DCC: variants seen among roughly 807,000 people sequenced by gnomAD.
DCC encodes the protein netrin receptor DCC.
In DCC, 58 loss-of-function variants were observed where a neutral mutation model predicts 172.5. That is an observed-to-expected ratio of 0.34 (90% CI 0.27 to 0.42). The LOEUF is 0.42. Ranked by LOEUF, DCC falls within the 10% of genes least tolerant of loss-of-function variation. The pLI is 1.00. For synonymous variants in DCC, 709 were observed against 644.5 expected (o/e 1.10, Z -1.52); for missense variants, 1,740 against 1,791.0 (o/e 0.97, Z 0.51).
At chr18:53,133,314 A>G (rs966906464) in intron 7 of DCC, among the ~76,000 whole-genome samples, 28 of 152,218 alleles carry the variant, frequency 1.8e-4, no homozygotes, top group African/African-American at 6.8e-4. Flanking sequence ...TAAATGTAGT[A>G]CAAATGCTGT....
At chr18:53,432,472 A>C (rs562203492) in intron 21 of DCC, among the ~76,000 whole-genome samples, 1 of 152,288 alleles carries the variant, frequency 6.6e-6, no homozygotes, top group African/African-American at 2.4e-5. Context: ...ATAGGGAAGT[A>C]TTTTATATCT....
chr18:53,023,878 A>G (rs572381746), intron 5 of DCC, among the ~76,000 whole-genome samples: 5 of 152,178 alleles, frequency 3.3e-5, no homozygotes, highest in Non-Finnish European at 7.4e-5. Context: ...TCCTGCCTGC[A>G]GATGCCCCAA....
chr18:53,302,117 A>T (rs189443533), intron 12 of DCC, among the ~76,000 whole-genome samples: 3 of 152,230 alleles, frequency 2.0e-5, no homozygotes, highest in Admixed American at 1.3e-4. Context: ...GACACCAATC[A>T]TGTCATATTT....
At chr18:53,281,717 G>A (rs1286699438) in intron 12 of DCC, among the ~76,000 whole-genome samples, 2 of 151,694 alleles carry the variant, frequency 1.3e-5, no homozygotes, top group African/African-American at 2.4e-5. Context: ...TGGCCTAGGT[G>A]GAAGTATTTA....
chr18:52,471,648 T>C (rs1260274844), intron 1 of DCC, among the ~76,000 whole-genome samples: 2 of 152,146 alleles, frequency 1.3e-5, no homozygotes, highest in African/African-American at 2.4e-5. Context: ...AAAAATTATA[T>C]AGAGCTAAAG....
rs774887982 is a variant in DCC, at chr18:53,459,440, A to G, written c.3601A>G (p.Lys1201Glu). 1.2e-5 allele frequency: 19 copies of G among 1,609,916 alleles called. No individual in the cohort carries two copies. In the East Asian group the frequency reaches 4.2e-4, roughly 36 times the overall value. ...CCAGTCAGAAACCCAACTGGGAAGC[A>G]AAAGCACCTCTCATTCAGGTAATTA... ...HSQSETQLGS[K>E]STSHSGQDTE... is the part of the protein sequence containing the mutation. The change falls in exon 24 of 29, where the codon AAA (lysine) becomes GAA (glutamate). Residue 1201 changes from lysine (K) to glutamate (E), a missense_variant. Physicochemically the swap from Lys to Glu is moderately conservative, Grantham distance 56. Coordinates refer to ENST00000442544, the MANE Select transcript of DCC (RefSeq NM_005215.4).
intron 7 of DCC, among the ~76,000 whole-genome samples, chr18:53,081,530 A>G (rs561620259): frequency 3.9e-5 from 6 of 152,108 alleles, no homozygotes; most frequent in Admixed American, 2.0e-4. Flanking sequence ...AGAAAAAAAA[A>G]AAGACCTCCT....
intron 2 of DCC, among the ~76,000 whole-genome samples, chr18:52,850,244 A>G (rs2038954930): frequency 6.6e-6 from 1 of 152,218 alleles, no homozygotes; most frequent in Admixed American, 6.5e-5. Flanking sequence ...AATCACTCCC[A>G]GTTCTTCGGA....
rs3059148 is a variant in DCC, at chr18:53,403,074, GCACACACACACACACA to G, written c.2935+211_2935+226del. ...TTGACCATGGAATTCTTCTAATGGT[GCACACACACACACACA>G]CACACACACACACACACACACACAC... On this transcript the variant is annotated intron_variant, in intron 19 of 28. Transcript: ENST00000442544. Among the ~76,000 whole-genome samples the G allele has an allele frequency of 5.1e-3, 748 of 145,890 alleles. 5 individuals are homozygous for G. Among genetic ancestry groups the G allele is most frequent in the Middle Eastern group, 0.028 (8 of 284 alleles).
At chr18:53,416,258 C>T in intron 21 of DCC, 102 bp downstream of exon 21, 1 of 835,170 alleles carries the variant, frequency 1.2e-6, no homozygotes, top group Non-Finnish European at 2.1e-6. Flanking sequence ...GGACCATACA[C>T]CTGATGAAGC....
chr18:52,816,596 C>T (rs1422065204), intron 2 of DCC: 1 of 152,156 alleles, frequency 6.6e-6, no homozygotes, highest in African/African-American at 2.4e-5. Context: ...ACTTTCTCAT[C>T]GATCACACCA....
chr18:52,810,379 A>G (rs1164249619), intron 2 of DCC, among the ~76,000 whole-genome samples: 1 of 152,158 alleles, frequency 6.6e-6, no homozygotes, highest in South Asian at 2.1e-4. Flanking sequence ...TTGCTCAGCC[A>G]TGCTATTATG....
chr18:53,259,194 C>T (rs1186381487), intron 12 of DCC, among the ~76,000 whole-genome samples: 1 of 152,110 alleles, frequency 6.6e-6, no homozygotes, highest in Non-Finnish European at 1.5e-5. Context: ...TTAATTGGAG[C>T]ATTTAGCCCA....
chr18:52,901,058 G>A (rs1190700213), intron 2 of DCC, among the ~76,000 whole-genome samples: 3 of 152,250 alleles, frequency 2.0e-5, no homozygotes, highest in Middle Eastern at 6.8e-3. Flanking sequence ...ATAAACGAAC[G>A]TCTTTTTGAA....
chr18:53,156,474 C>T (rs1023631237), intron 7 of DCC, among the ~76,000 whole-genome samples: 1 of 149,686 alleles, frequency 6.7e-6, no homozygotes, highest in African/African-American at 2.5e-5. Context: ...CAGAGCAAGA[C>T]CCCATCTCAA....
intron 1 of DCC, among the ~76,000 whole-genome samples, chr18:52,702,841 T>C (rs56278478): frequency 0.36 from 54,899 of 151,930 alleles, 11,108 homozygotes; most frequent in Non-Finnish European, 0.46. Flanking sequence ...GTAAATTTAT[T>C]CTCTTCATCT....
chr18:52,418,427 G>C (rs188300674), intron 1 of DCC, among the ~76,000 whole-genome samples: 1 of 152,284 alleles, frequency 6.6e-6, no homozygotes, highest in East Asian at 1.9e-4. Flanking sequence ...GGCTGGAGCA[G>C]GCAGGGTGGC....
chr18:52,931,498 C>G (rs73960006), intron 5 of DCC, among the ~76,000 whole-genome samples: 2,681 of 152,114 alleles, frequency 0.018, 88 homozygotes, highest in African/African-American at 0.062. Flanking sequence ...CCTTCATGAA[C>G]TAACAGACTT....
At chr18:53,101,224 G>T (rs2043168138) in intron 7 of DCC, among the ~76,000 whole-genome samples, 1 of 152,148 alleles carries the variant, frequency 6.6e-6, no homozygotes. Context: ...TGGATGGCGT[G>T]TCTGTCCTTT....
Sources: allele counts gnomAD v4.1 joint callset (sites outside exome capture counted in the v4.1 genomes callset), GRCh38; gene constraint gnomAD v4.1.1; transcripts MANE v1.5; gene names NCBI Gene and HGNC (gene_info 2026-07-23, HGNC 2026-07-21).